Variants in PLXNA4 observed in about 807,000 individuals in gnomAD.
PLXNA4 encodes plexin A4.
In PLXNA4, 44 loss-of-function variants were observed where a neutral mutation model predicts 191.8. The observed-to-expected ratio is 0.23, with a 90% CI of 0.18 to 0.29. The LOEUF (loss-of-function observed/expected upper bound fraction) is 0.29, where lower values mean the gene tolerates loss of function less well. Among genes scored for constraint, PLXNA4 ranks in the 10% least tolerant of loss-of-function variants. The pLI is 1.00. For synonymous variants in PLXNA4, 1,082 were observed against 1,009.5 expected (o/e 1.07, Z -1.36); for missense variants, 1,800 against 2,488.8 (o/e 0.72, Z 5.89).
chr7:132,290,702 T>C (rs1393933881), intron 4 of PLXNA4, among the ~76,000 whole-genome samples: 1 of 152,126 alleles, frequency 6.6e-6, no homozygotes, highest in African/African-American at 2.4e-5. Flanking sequence ...TCCAGAATCA[T>C]GCAGAAGAAA....
rs75965418 is a variant in PLXNA4, at chr7:132,184,322, C to G, written c.3158+977G>C. Among the ~76,000 whole-genome samples, 1,098 of 152,344 alleles carry G rather than the reference C, an allele frequency of 7.2e-3. 10 individuals are homozygous for G. The highest frequency in any genetic ancestry group is 0.025 in the African/African-American group (1,048 of 41,578). ...ACAAATGAGGGACTCTGGCCCCAGG[C>G]AGGTGAGAACTGTTAAGGCCACTGG... On this transcript the variant is annotated intron_variant, in intron 16 of 31. Coordinates refer to ENST00000321063, the MANE Select transcript of PLXNA4 (RefSeq NM_020911.2).
At chr7:132,286,976 C>G (rs1049085522) in intron 4 of PLXNA4, among the ~76,000 whole-genome samples, 2 of 152,136 alleles carry the variant, frequency 1.3e-5, no homozygotes, top group Non-Finnish European at 2.9e-5. Context: ...GCCTGGAGCT[C>G]AACTGGCCTT....
intron 3 of PLXNA4, among the ~76,000 whole-genome samples, chr7:132,386,761 G>A (rs1035809636): frequency 6.6e-6 from 1 of 152,206 alleles, no homozygotes; most frequent in Non-Finnish European, 1.5e-5. Flanking sequence ...TGGCTCGAGA[G>A]CCTCAGCAGG....
rs367814738 is a variant in PLXNA4 at position 132,381,409 on chromosome 7, G to A, written c.1372-83187C>T. On this transcript the variant is annotated intron_variant, in intron 3 of 31. Transcript: ENST00000321063. The stretch of plus-strand genomic sequence containing the variant: ...AAGAAGTGATTCAAAATGTCAAATG[G>A]CCAAATAAGTTTGAAGAAAACAAAT... Among the ~76,000 whole-genome samples, 18 of 152,302 alleles carry A rather than the reference G, an allele frequency of 1.2e-4. No homozygotes were observed. In the East Asian group the frequency reaches 3.1e-3, roughly 26 times the overall value.
chr7:132,563,806 CTCCTCCTCCTT>C (rs1801528477), intron 1 of PLXNA4, among the ~76,000 whole-genome samples: 10 of 77,756 alleles, frequency 1.3e-4, no homozygotes, highest in Admixed American at 2.5e-4. Context: ...CCTCCTCCTT[CTCCTCCTCCTT>C]CTCCTCCTCC....
intron 24 of PLXNA4, among the ~76,000 whole-genome samples, chr7:132,159,989 C>T (rs575962968): frequency 6.6e-6 from 1 of 152,312 alleles, no homozygotes; most frequent in Non-Finnish European, 1.5e-5. Flanking sequence ...CATGCATGCA[C>T]ACGTGCTATC....
chr7:132,182,276 T>A, intron 16 of PLXNA4, 86 bp from the exon 17 acceptor site: 6 of 1,557,948 alleles, frequency 3.9e-6, no homozygotes, highest in Non-Finnish European at 5.2e-6. Flanking sequence ...GCTATGACAA[T>A]AAGGACAGTG....
At chr7:132,630,061 A>G (rs1170090331) in intron 2 of PLXNA4, among the ~76,000 whole-genome samples, 2 of 152,162 alleles carry the variant, frequency 1.3e-5, no homozygotes, top group Non-Finnish European at 2.9e-5. Flanking sequence ...TGTGTTAGCC[A>G]GGATGGTCTC....
chr7:132,452,389 C>T (rs1160919919), intron 3 of PLXNA4, among the ~76,000 whole-genome samples: 3 of 152,212 alleles, frequency 2.0e-5, no homozygotes, highest in East Asian at 3.9e-4. Flanking sequence ...GCATGCCCAT[C>T]TCTACCAAGT....
intron 4 of PLXNA4, among the ~76,000 whole-genome samples, chr7:132,291,109 C>A (rs972038193): frequency 2.0e-5 from 3 of 152,104 alleles, no homozygotes; most frequent in Admixed American, 6.6e-5. Context: ...CACCACTTTC[C>A]CCCTTCTCCC....
chr7:132,599,911 T>C (rs1285332065), intron 2 of PLXNA4, among the ~76,000 whole-genome samples: 1 of 152,228 alleles, frequency 6.6e-6, no homozygotes, highest in Non-Finnish European at 1.5e-5. Flanking sequence ...AACTTTATCA[T>C]GTATTTCTTC....
At chr7:132,312,302 T>C (rs1297676029) in intron 3 of PLXNA4, among the ~76,000 whole-genome samples, 1 of 152,190 alleles carries the variant, frequency 6.6e-6, no homozygotes, top group Non-Finnish European at 1.5e-5. Flanking sequence ...ATTATTTATG[T>C]GGCATCATCA....
intron 3 of PLXNA4, among the ~76,000 whole-genome samples, chr7:132,484,474 G>T (rs566786615): frequency 1.3e-5 from 2 of 152,316 alleles, no homozygotes; most frequent in East Asian, 3.9e-4. Flanking sequence ...CAAAACCAGG[G>T]ATGGAAAATG....
At chr7:132,266,191 G>A (rs758872695) in intron 4 of PLXNA4, 2 of 151,810 alleles carry the variant, frequency 1.3e-5, no homozygotes, top group African/African-American at 2.4e-5. Context: ...GGTGTGGGGG[G>A]GAGGGTAAGG....
In PLXNA4 at chr7:132,417,080, C is replaced by T. The variant is rs186610394; in HGVS notation, c.1371+72212G>A. Among the ~76,000 whole-genome samples, 442 of 152,340 alleles carry T rather than the reference C, an allele frequency of 2.9e-3. 1 individual carries two copies. The highest frequency in any genetic ancestry group is 7.8e-3 in the Admixed American group (120 of 15,298). On this transcript the variant is annotated intron_variant, in intron 3 of 31. Coordinates refer to ENST00000321063, the MANE Select transcript of PLXNA4 (RefSeq NM_020911.2). Reference sequence around the variant, plus strand: ...CCTTCTTGTCTGCACTAGAAATTCACACTCTCTTAAGCTAAGTGTATGCCC... The same window carrying T: ...CCTTCTTGTCTGCACTAGAAATTCATACTCTCTTAAGCTAAGTGTATGCCC...
intron 22 of PLXNA4, 126 bp from the exon 23 acceptor site, chr7:132,165,326 C>A: frequency 2.2e-6 from 3 of 1,362,110 alleles, no homozygotes; most frequent in East Asian, 2.6e-5. Flanking sequence ...GCGTTTAGGC[C>A]AAACCTTGCG....
intron 4 of PLXNA4, among the ~76,000 whole-genome samples, chr7:132,287,618 G>A (rs770407689): frequency 2.0e-5 from 3 of 152,136 alleles, no homozygotes; most frequent in African/African-American, 7.2e-5. Context: ...TCACCCCCAT[G>A]GTCTGTCTGA....
chr7:132,582,111 TC>T (rs1311555128), upstream of PLXNA4, among the ~76,000 whole-genome samples: 1 of 151,716 alleles, frequency 6.6e-6, no homozygotes, highest in Non-Finnish European at 1.5e-5. Flanking sequence ...AGGCACAAGG[TC>T]CCGTAGTATG....
intron 3 of PLXNA4, among the ~76,000 whole-genome samples, chr7:132,366,457 G>C (rs1421133634): frequency 6.6e-6 from 1 of 152,120 alleles, no homozygotes; most frequent in Non-Finnish European, 1.5e-5. Context: ...TCAGGATGCG[G>C]AGGCTGCAGT....
Sources: allele counts gnomAD v4.1 joint callset (sites outside exome capture counted in the v4.1 genomes callset), GRCh38; gene constraint gnomAD v4.1.1; transcripts MANE v1.5; gene names NCBI Gene and HGNC (gene_info 2026-07-23, HGNC 2026-07-21).